The following GPC5 variants were observed in gnomAD, a reference collection of about 807,000 sequenced individuals.
GPC5 encodes glypican 5, also known as glypican-5.
A neutral mutation model predicts 53.9 loss-of-function variants in GPC5; 47 were observed. The ratio of observed to expected loss-of-function variants is 0.87; its 90% confidence interval spans 0.69 to 1.11. The LOEUF is 1.11. Among genes scored for constraint, GPC5 ranks in the 50% most tolerant of loss-of-function variants. The pLI, the probability that GPC5 is intolerant of heterozygous loss-of-function variation, is 0.00. For missense variants in GPC5, 748 were observed against 713.1 expected, an observed-to-expected ratio of 1.05 and a Z score of -0.56; for synonymous variants, 286 against 263.3, an observed-to-expected ratio of 1.09 and a Z score of -0.84.
intron 7 of GPC5, among the ~76,000 whole-genome samples, chr13:92,193,592 A>T (rs1008021717): frequency 5.3e-5 from 8 of 152,196 alleles, no homozygotes; most frequent in African/African-American, 1.9e-4. Flanking sequence ...TTATAGTTCA[A>T]CTCTGAAATG....
intron 7 of GPC5, among the ~76,000 whole-genome samples, chr13:92,530,142 C>T (rs1379911937): frequency 6.6e-6 from 1 of 152,128 alleles, no homozygotes; most frequent in Non-Finnish European, 1.5e-5. Flanking sequence ...TCCTAAGCAT[C>T]GTATCAAATT....
chr13:91,523,689 C>A (rs1370417372), intron 2 of GPC5, among the ~76,000 whole-genome samples: 6 of 152,128 alleles, frequency 3.9e-5, no homozygotes, highest in Non-Finnish European at 1.5e-5. Flanking sequence ...GTATACTTGA[C>A]ATTTGCTAAG....
At chr13:92,261,306 A>G (rs144594603) in intron 7 of GPC5, among the ~76,000 whole-genome samples, 37 of 152,278 alleles carry the variant, frequency 2.4e-4, no homozygotes, top group African/African-American at 8.2e-4. Flanking sequence ...CAATCTTACA[A>G]TCCTTCTATT....
intron 2 of GPC5, among the ~76,000 whole-genome samples, chr13:91,526,994 C>T (rs1055903121): frequency 6.6e-6 from 1 of 152,178 alleles, no homozygotes; most frequent in African/African-American, 2.4e-5. Context: ...CCACCCTCAA[C>T]ATGTGGGAAT....
intron 7 of GPC5, among the ~76,000 whole-genome samples, chr13:92,550,892 T>G (rs544353851): frequency 1.3e-5 from 2 of 151,900 alleles, no homozygotes; most frequent in East Asian, 1.9e-4. Flanking sequence ...CTTGCCTTGG[T>G]TTGTTTGTTT....
chr13:91,934,973 A>G (rs2039856283), intron 6 of GPC5, among the ~76,000 whole-genome samples: 1 of 152,020 alleles, frequency 6.6e-6, no homozygotes, highest in African/African-American at 2.4e-5. Context: ...ATAAAAATTT[A>G]CACAGGGTTT....
intron 5 of GPC5, among the ~76,000 whole-genome samples, chr13:91,804,825 G>A (rs1467459059): frequency 6.6e-6 from 1 of 152,208 alleles, no homozygotes; most frequent in Non-Finnish European, 1.5e-5. Context: ...TACTGGAGAT[G>A]TGTGCATGTG....
chr13:92,111,811 A>G (rs910546936), intron 6 of GPC5, among the ~76,000 whole-genome samples: 4 of 152,250 alleles, frequency 2.6e-5, no homozygotes, highest in Non-Finnish European at 5.9e-5. Flanking sequence ...GCATCAACAT[A>G]AAGAATCTTG....
At chr13:92,299,058 A>T (rs1042918568) in intron 7 of GPC5, among the ~76,000 whole-genome samples, 1 of 152,174 alleles carries the variant, frequency 6.6e-6, no homozygotes, top group African/African-American at 2.4e-5. Context: ...AAATTTTATA[A>T]AATTTTGGTT....
intron 6 of GPC5, among the ~76,000 whole-genome samples, chr13:91,937,911 C>T (rs1019247657): frequency 9.2e-5 from 14 of 151,988 alleles, no homozygotes; most frequent in African/African-American, 3.4e-4. Flanking sequence ...CAAAACCTGA[C>T]CCCCTTATAT....
intron 2 of GPC5, among the ~76,000 whole-genome samples, chr13:91,535,444 G>T: frequency 6.6e-6 from 1 of 152,294 alleles, no homozygotes; most frequent in Non-Finnish European, 1.5e-5. Context: ...TGTCTGTCAA[G>T]AGAGTGACCA....
At chr13:91,487,765 G>C (rs944676494) in intron 2 of GPC5, among the ~76,000 whole-genome samples, 1 of 152,088 alleles carries the variant, frequency 6.6e-6, no homozygotes, top group Non-Finnish European at 1.5e-5. Flanking sequence ...GTTTATGTCA[G>C]ATAAAGCTTG....
chr13:91,975,133 AG>A (rs2040286105), intron 6 of GPC5, among the ~76,000 whole-genome samples: 2 of 152,212 alleles, frequency 1.3e-5, no homozygotes, highest in African/African-American at 4.8e-5. Flanking sequence ...GATGGATTAA[AG>A]ACTTAAACGT....
intron 7 of GPC5, among the ~76,000 whole-genome samples, chr13:92,350,362 T>C (rs929561959): frequency 2.0e-5 from 3 of 152,168 alleles, no homozygotes; most frequent in Admixed American, 1.3e-4. Context: ...CTATTCAACA[T>C]AGTATTGAAA....
intron 7 of GPC5, among the ~76,000 whole-genome samples, chr13:92,777,560 A>C (rs1461809721): frequency 6.6e-6 from 1 of 152,144 alleles, no homozygotes; most frequent in Non-Finnish European, 1.5e-5. Context: ...GGGAGGTTGC[A>C]GTGAGCCGAG....
intron 7 of GPC5, among the ~76,000 whole-genome samples, chr13:92,452,639 C>A (rs1038929508): frequency 5.3e-5 from 8 of 152,158 alleles, no homozygotes; most frequent in Non-Finnish European, 4.4e-5. Context: ...GCGATCTCAG[C>A]TCACTGCAAC....
intron 7 of GPC5, among the ~76,000 whole-genome samples, chr13:92,164,829 C>T (rs1308486347): frequency 6.6e-6 from 1 of 152,228 alleles, no homozygotes; most frequent in African/African-American, 2.4e-5. Context: ...CCAGGCATTT[C>T]TGTACATCCT....
At chr13:92,543,405 C>A (rs980690389) in intron 7 of GPC5, among the ~76,000 whole-genome samples, 1 of 142,626 alleles carries the variant, frequency 7.0e-6, no homozygotes, top group African/African-American at 2.7e-5. Flanking sequence ...CAATGAGTTT[C>A]CTTAAAATAT....
chr13:91,730,362 T>C (rs1192830140), intron 4 of GPC5, among the ~76,000 whole-genome samples: 2 of 152,150 alleles, frequency 1.3e-5, no homozygotes, highest in Non-Finnish European at 2.9e-5. Flanking sequence ...GGATGCTGAG[T>C]CTGGGCTACC....
Sources: allele counts gnomAD v4.1 joint callset (sites outside exome capture counted in the v4.1 genomes callset), GRCh38; gene constraint gnomAD v4.1.1; transcripts MANE v1.5; gene names NCBI Gene and HGNC (gene_info 2026-07-23, HGNC 2026-07-21).